The following PUM1 variants were observed in gnomAD, a reference collection of about 807,000 sequenced individuals.
The protein encoded by PUM1 is pumilio RNA binding family member 1, also known as pumilio homolog 1.
PUM1 carries 13 observed loss-of-function variants against 131.8 expected under a neutral mutation model. The ratio of observed to expected loss-of-function variants is 0.10; its 90% CI spans 0.06 to 0.16. PUM1 has a LOEUF of 0.16. Ranked by LOEUF, PUM1 falls within the 10% of genes least tolerant of loss-of-function variation. PUM1 has a pLI of 1.00. For missense variants in PUM1, 961 were observed against 1,512.4 expected, an observed-to-expected ratio of 0.64 and a Z score of 6.05; for synonymous variants, 509 against 556.5, an observed-to-expected ratio of 0.91 and a Z score of 1.20.
chr1:30,983,072 T>C (rs1641413266), intron 7 of PUM1, among the ~76,000 whole-genome samples: 1 of 152,196 alleles, frequency 6.6e-6, no homozygotes, highest in Admixed American at 6.5e-5. Flanking sequence ...ATCAAAACAT[T>C]TGTCCTCCAG....
At chr1:31,060,801 G>A (rs745944682) in intron 1 of PUM1, among the ~76,000 whole-genome samples, 3 of 151,556 alleles carry the variant, frequency 2.0e-5, no homozygotes, top group Non-Finnish European at 2.9e-5. Context: ...CAGGAGAATC[G>A]TTTGAACCCG....
intron 21 of PUM1, 86 bp downstream of exon 21, chr1:30,936,557 A>G: frequency 7.7e-7 from 1 of 1,305,328 alleles, no homozygotes; most frequent in Non-Finnish European, 1.0e-6. Context: ...CTTCAAAAAC[A>G]GCAGGGCACC....
intron 2 of PUM1, among the ~76,000 whole-genome samples, chr1:31,033,561 T>C (rs780811734): frequency 1.3e-5 from 2 of 151,994 alleles, no homozygotes; most frequent in Non-Finnish European, 2.9e-5. Context: ...AGACGAGGTT[T>C]TACCATGTTG....
Position 30,981,422 on chromosome 1 carries a change from AACAC to A in PUM1, c.1159-21_1159-18del. 1 of 1,531,644 alleles carries A rather than the reference AACAC, an allele frequency of 6.5e-7. No individual in the cohort carries two copies. Among genetic ancestry groups the A allele is most frequent in the Non-Finnish European group, 9.0e-7 (1 of 1,115,584 alleles). 94.9% of individuals were successfully genotyped at this position (1,531,644 alleles called of 1,614,324 possible). A position where few individuals can be genotyped will look rare whatever the true frequency, so the allele number is the denominator to read the frequency against. ...TTGGAACAGCTGAGGCAAGAGGAAA[AACAC>A]GGTGTGGTTAGGGAAACTGTCTTAC... is the stretch of plus-strand genomic sequence containing the variant. On this transcript the variant is annotated intron_variant, in intron 7 of 21. Transcript: ENST00000426105.
At chr1:31,056,883 C>T (rs1644254103) in intron 2 of PUM1, among the ~76,000 whole-genome samples, 1 of 151,986 alleles carries the variant, frequency 6.6e-6, no homozygotes, top group Non-Finnish European at 1.5e-5. Flanking sequence ...AACTCCCTGT[C>T]CCAGGTTCAA....
chr1:30,958,957 G>A (rs535599705), intron 14 of PUM1, among the ~76,000 whole-genome samples: 51 of 152,218 alleles, frequency 3.4e-4, no homozygotes, highest in African/African-American at 1.1e-3. Flanking sequence ...AGATGGGAGA[G>A]GAAGATTGAG....
In PUM1 at chr1:30,954,886, G is replaced by GA. The variant is rs1640084106; in HGVS notation, c.2324-906dup. Among the ~76,000 whole-genome samples the GA allele has an allele frequency of 2.0e-5, 3 of 151,728 alleles. No homozygotes were observed. The South Asian group carries it at 6.2e-4, about 32-fold the overall frequency. ...GAGACCAGCCTGGACAACAGAGAGAGACCCCATCTCTAAAAAAAAATAAAA... is the reference window on the plus strand; with the variant it reads ...GAGACCAGCCTGGACAACAGAGAGAGAACCCCATCTCTAAAAAAAAATAAAA... On this transcript the variant is annotated intron_variant, in intron 14 of 21. Coordinates refer to ENST00000426105, the MANE Select transcript of PUM1 (RefSeq NM_001020658.2).
Position 31,059,192 on chromosome 1 carries a change from A to C in PUM1, c.363+12T>G. The stretch of plus-strand genomic sequence containing the variant: ...AGGAATGTCAAAGCTAAAATAGTGA[A>C]CTTTTTTTTACCTGATGTTCTGCAT... On this transcript the variant is annotated intron_variant, in intron 2 of 21. Coordinates refer to ENST00000426105, the MANE Select transcript of PUM1 (RefSeq NM_001020658.2). The C allele has an allele frequency of 6.5e-7, 1 of 1,544,128 alleles. No individual in the cohort carries two copies. The highest frequency in any genetic ancestry group is 1.2e-5 in the South Asian group (1 of 80,422).
At chr1:30,950,578 G>A (rs1557549783) in intron 16 of PUM1, among the ~76,000 whole-genome samples, 1 of 152,202 alleles carries the variant, frequency 6.6e-6, no homozygotes, top group East Asian at 1.9e-4. Flanking sequence ...AAATGAATCT[G>A]GCCAGGTGCA....
At chr1:31,048,543 C>T (rs1466816965) in intron 2 of PUM1, among the ~76,000 whole-genome samples, 4 of 150,936 alleles carry the variant, frequency 2.7e-5, no homozygotes, top group Admixed American at 2.0e-4. Context: ...GGTGCGATCT[C>T]GGCTCACTGC....
chr1:30,977,392 C>T (rs932606195), intron 9 of PUM1, among the ~76,000 whole-genome samples: 2 of 152,202 alleles, frequency 1.3e-5, no homozygotes, highest in African/African-American at 2.4e-5. Context: ...ATAGTCCCAA[C>T]GCTCTCCCAA....
intron 7 of PUM1, 94 bp downstream of exon 7, chr1:30,992,296 T>C: frequency 2.0e-6 from 3 of 1,500,788 alleles, no homozygotes; most frequent in Non-Finnish European, 1.8e-6. Flanking sequence ...CCTGAAACAA[T>C]GCCACCACCT....
intron 12 of PUM1, 100 bp downstream of exon 12, chr1:30,967,067 C>T: frequency 1.4e-6 from 2 of 1,394,420 alleles, no homozygotes; most frequent in Middle Eastern, 2.4e-4. Context: ...AACCGATATA[C>T]TGAGAATTGC....
intron 2 of PUM1, among the ~76,000 whole-genome samples, chr1:31,030,695 T>C (rs1488585552): frequency 7.2e-6 from 1 of 138,252 alleles, no homozygotes; most frequent in Non-Finnish European, 1.5e-5. Flanking sequence ...TGGGTGAGAG[T>C]GAGACAGTGT....
chr1:30,998,517 G>A (rs895791592), intron 5 of PUM1, among the ~76,000 whole-genome samples: 3 of 152,202 alleles, frequency 2.0e-5, no homozygotes, highest in South Asian at 2.1e-4. Flanking sequence ...GGTGGCATGC[G>A]CCTGTAGTCC....
chr1:31,024,580 A>G (rs1000879972), intron 3 of PUM1, among the ~76,000 whole-genome samples: 2 of 152,232 alleles, frequency 1.3e-5, no homozygotes, highest in African/African-American at 4.8e-5. Context: ...CATTTGTTGT[A>G]GAAATAAGCT....
chr1:31,061,502 GC>G lies in PUM1; in HGVS notation c.-11-1926del, dbSNP rs1257303270. On this transcript the variant is annotated intron_variant, in intron 1 of 21. Transcript: ENST00000426105. ...TTGGTGGCACGCGCCTGTAATCCCA[GC>G]TACTTGGGAGGCTGAGGCAGGAGAA... 1.5e-3 allele frequency among the ~76,000 whole-genome samples: 227 copies of G among 152,096 alleles called. 1 individual carries two copies. Among genetic ancestry groups the G allele is most frequent in the African/African-American group, 5.3e-3 (218 of 41,498 alleles).
intron 2 of PUM1, among the ~76,000 whole-genome samples, chr1:31,056,219 A>G (rs1458378151): frequency 1.3e-5 from 2 of 152,180 alleles, no homozygotes; most frequent in Non-Finnish European, 2.9e-5. Flanking sequence ...CCAGGATATA[A>G]GATTTCTAAT....
At chr1:30,943,829 T>C (rs1430583705) in intron 18 of PUM1, among the ~76,000 whole-genome samples, 1 of 152,216 alleles carries the variant, frequency 6.6e-6, no homozygotes, top group African/African-American at 2.4e-5. Flanking sequence ...AGTCTATTAT[T>C]TGTGGCTTAA....
Sources: gnomAD v4.1 joint callset for allele counts (sites outside exome capture counted in the v4.1 genomes callset) on GRCh38, gnomAD v4.1.1 for gene constraint, MANE v1.5 for transcripts, NCBI Gene and HGNC (gene_info 2026-07-23, HGNC 2026-07-21) for gene names.